ATXN10: variants seen among roughly 807,000 people sequenced by gnomAD.
ATXN10 encodes ataxin 10.
ATXN10 carries 28 observed loss-of-function variants against 52.9 expected under a neutral mutation model. The observed-to-expected ratio is 0.53, with a 90% CI of 0.39 to 0.73. ATXN10 has a LOEUF of 0.73. Among genes scored for constraint, ATXN10 ranks in the 30% least tolerant of loss-of-function variants. ATXN10 has a pLI of 0.00. For missense variants in ATXN10, 565 were observed against 577.0 expected (o/e 0.98, Z 0.21); for synonymous variants, 226 against 221.5 (o/e 1.02, Z -0.18).
At chr22:45,711,268 A>G (rs1924238340) in intron 5 of ATXN10, among the ~76,000 whole-genome samples, 1 of 152,098 alleles carries the variant, frequency 6.6e-6, no homozygotes, top group Non-Finnish European at 1.5e-5. Context: ...AAAGCCAATG[A>G]ATCCCCAAAG....
intron 1 of ATXN10, among the ~76,000 whole-genome samples, chr22:45,686,965 A>G (rs190221197): frequency 1.3e-4 from 20 of 152,294 alleles, no homozygotes; most frequent in African/African-American, 3.6e-4. Context: ...ATGGTTTACA[A>G]CCTGGGGAGA....
In ATXN10 at chr22:45,820,083, A is replaced by G. The variant is rs1264345984; in HGVS notation, c.1237+13061A>G. 1.3e-5 allele frequency among the ~76,000 whole-genome samples: 2 copies of G among 152,224 alleles called. No homozygotes were observed. Among genetic ancestry groups the G allele is most frequent in the African/African-American group, 2.4e-5 (1 of 41,452 alleles). ...GTTTTATTTTGAGATGATCATTTCT[A>G]TCAGGATCAGGAAGTGTTCTATTCT... On this transcript the variant is annotated intron_variant, in intron 10 of 11. Transcript: ENST00000252934. The surrounding 1 kb of genome is among the most constrained non-coding windows in gnomAD (Gnocchi z 4.9).
intron 9 of ATXN10, among the ~76,000 whole-genome samples, chr22:45,755,991 A>G (rs1007755895): frequency 1.3e-5 from 2 of 151,566 alleles, no homozygotes; most frequent in African/African-American, 4.8e-5. Context: ...GCACCACTAC[A>G]TAGCCACCCA....
At position 45,754,331 on chromosome 22, in the gene ATXN10, TGTAAA is replaced by T. The variant is rs1429836399; in HGVS notation, c.1173+13797_1173+13801del. Among the ~76,000 whole-genome samples, 7 of 152,252 alleles carry T rather than the reference TGTAAA, an allele frequency of 4.6e-5. No homozygotes were observed. Among genetic ancestry groups the T allele is most frequent in the African/African-American group, 2.4e-5 (1 of 41,476 alleles). On this transcript the variant is annotated intron_variant, in intron 9 of 11. Transcript: ENST00000252934. The surrounding 1 kb of genome is among the most constrained non-coding windows in gnomAD (Gnocchi z 5.4). ...ACTTGTGAGTCTCCCTTTCTTCATC[TGTAAA>T]GTAGAGATGATTTTACTTCCCTCAT...
rs1340743495 is a variant in ATXN10, at chr22:45,780,165, C to T, written c.1174-26794C>T. 6.6e-6 allele frequency among the ~76,000 whole-genome samples: 1 copy of T among 151,956 alleles called. No individual in the cohort carries two copies. The highest frequency in any genetic ancestry group is 2.4e-5 in the African/African-American group (1 of 41,372). ...GTGGCACGATCTTGGTTCACTGCAA[C>T]CTCCACCTCCCAGGTTCAAGCGATT... is the stretch of plus-strand genomic sequence containing the variant. On this transcript the variant is annotated intron_variant, in intron 9 of 11. Transcript: ENST00000252934. This position sits in a 1 kb window ranked among gnomAD's most constrained non-coding sequence, Gnocchi z 4.0.
intron 9 of ATXN10, among the ~76,000 whole-genome samples, chr22:45,748,946 A>C (rs1212164978): frequency 6.6e-6 from 1 of 152,184 alleles, no homozygotes; most frequent in Non-Finnish European, 1.5e-5. Flanking sequence ...AGGATGGTCT[A>C]CCATTTGACT....
chr22:45,718,233 CT>C lies in ATXN10; in HGVS notation c.648-176del, dbSNP rs2146773958. 6.6e-6 allele frequency among the ~76,000 whole-genome samples: 1 copy of C among 151,830 alleles called. No homozygotes were observed. The highest frequency in any genetic ancestry group is 2.4e-5 in the African/African-American group (1 of 41,408). On this transcript the variant is annotated intron_variant, in intron 5 of 11. Transcript: ENST00000252934. The surrounding 1 kb of genome is among the most constrained non-coding windows in gnomAD (Gnocchi z 4.4). ...AAAAATATTTTTAGGATTTTTTTTCCTTTTAGCTGCTGATAGATTAATAGTA... is the reference window on the plus strand; with the variant it reads ...AAAAATATTTTTAGGATTTTTTTTCCTTTAGCTGCTGATAGATTAATAGTA...
Position 45,740,228 on chromosome 22 carries a change from G to A in ATXN10, c.1004-141G>A, listed in dbSNP as rs74639701. On this transcript the variant is annotated intron_variant, in intron 8 of 11. Coordinates refer to ENST00000252934, the MANE Select transcript of ATXN10 (RefSeq NM_013236.4). ...TTTGAAGCAAAGGCAGAAGAGCCTT[G>A]TAATCATTATTTAAATAAAGCTTTC... 10,906 of 789,580 alleles carry A rather than the reference G, an allele frequency of 0.014. 583 individuals carry two copies. The African/African-American group carries it at 0.14, about 10-fold the overall frequency. The allele number at this position is 789,580 out of a possible 1,614,324, so 48.9% of individuals were successfully genotyped here. A position where few individuals can be genotyped will look rare whatever the true frequency, so the allele number is the denominator to read the frequency against.
chr22:45,796,934 T>C (rs1386627232), intron 9 of ATXN10, among the ~76,000 whole-genome samples: 1 of 152,232 alleles, frequency 6.6e-6, no homozygotes, highest in Non-Finnish European at 1.5e-5. Flanking sequence ...GGAGTGGCTA[T>C]ATTAATATTA....
chr22:45,679,217 T>C (rs1304353897), intron 1 of ATXN10: 1 of 152,224 alleles, frequency 6.6e-6, no homozygotes. Flanking sequence ...TACCTCTGTT[T>C]TCAGTACCAA....
intron 1 of ATXN10, chr22:45,679,096 C>T (rs563444281): frequency 6.6e-6 from 1 of 152,108 alleles, no homozygotes; most frequent in Admixed American, 6.5e-5. Context: ...TGCTTTTGCC[C>T]TGTATTCCCT....
intron 9 of ATXN10, chr22:45,792,646 G>A: frequency 4.0e-6 from 1 of 250,646 alleles, no homozygotes; most frequent in Non-Finnish European, 8.3e-6. Flanking sequence ...GTCACGGCAA[G>A]TTCCCTAAAG....
At position 45,783,534 on chromosome 22, in the gene ATXN10, G is replaced by A. The variant is rs1927221944; in HGVS notation, c.1174-23425G>A. On this transcript the variant is annotated intron_variant, in intron 9 of 11. Coordinates refer to ENST00000252934, the MANE Select transcript of ATXN10 (RefSeq NM_013236.4). The surrounding 1 kb of genome is among the most constrained non-coding windows in gnomAD (Gnocchi z 5.0). ...TGCCCCTGATTGGACCTGCCTGGCC[G>A]GCTCAGGTGTCCTCTTCTGTATTCC... Among the ~76,000 whole-genome samples, 1 of 152,286 alleles carries A rather than the reference G, an allele frequency of 6.6e-6. No homozygotes were observed. Among genetic ancestry groups the A allele is most frequent in the South Asian group, 2.1e-4 (1 of 4,828 alleles).
chr22:45,702,728 C>T lies in ATXN10; in HGVS notation c.528C>T (p.Tyr176=). The change falls in exon 5 of 12, where the codon TAC becomes TAT. Residue 176 remains tyrosine (Y), a synonymous_variant. Transcript: ENST00000252934. The part of the protein sequence containing the change: ...LNHPDKKIVA[Y]SSMILFTSLN... ...ATCCGGACAAAAAAATTGTTGCCTA[C>T]TCTTCAATGATTTTGTTTACATCCC... is the stretch of plus-strand genomic sequence containing the variant. 6.2e-7 allele frequency: 1 copy of T among 1,613,962 alleles called. No individual in the cohort carries two copies. Among genetic ancestry groups the T allele is most frequent in the Non-Finnish European group, 8.5e-7 (1 of 1,179,918 alleles).
At chr22:45,706,870 T>C (rs1162858784) in intron 5 of ATXN10, among the ~76,000 whole-genome samples, 1 of 152,210 alleles carries the variant, frequency 6.6e-6, no homozygotes, top group Non-Finnish European at 1.5e-5. Context: ...TCTGTAGATA[T>C]CTATTAGGTC....
rs992951068 is a variant in ATXN10 at position 45,828,928 on chromosome 22, C to A, written c.1238-14063C>A. 1.3e-5 allele frequency among the ~76,000 whole-genome samples: 2 copies of A among 152,114 alleles called. No homozygotes were observed. The highest frequency in any genetic ancestry group is 2.9e-5 in the Non-Finnish European group (2 of 68,008). On this transcript the variant is annotated intron_variant, in intron 10 of 11. Transcript: ENST00000252934. This position sits in a 1 kb window ranked among gnomAD's most constrained non-coding sequence, Gnocchi z 4.5. Reference sequence around the variant, plus strand: ...CTCATTTTATGAAGCCAGCATTTCCCTGGTACAAAAGCTAGACAGAGACAC... The same window carrying A: ...CTCATTTTATGAAGCCAGCATTTCCATGGTACAAAAGCTAGACAGAGACAC...
At chr22:45,778,046 A>G (rs867535007) in intron 9 of ATXN10, among the ~76,000 whole-genome samples, 1 of 152,202 alleles carries the variant, frequency 6.6e-6, no homozygotes, top group Non-Finnish European at 1.5e-5. Context: ...CTCACACTAC[A>G]ACAACACAGT....
At chr22:45,776,052 G>A (rs1389574404) in intron 9 of ATXN10, among the ~76,000 whole-genome samples, 1 of 152,144 alleles carries the variant, frequency 6.6e-6, no homozygotes, top group Non-Finnish European at 1.5e-5. Flanking sequence ...CACCACCCTT[G>A]AGCATGTCCT....
Position 45,795,399 on chromosome 22 carries a change from TA to T in ATXN10, c.1174-11559del, listed in dbSNP as rs1927686683. On this transcript the variant is annotated intron_variant, in intron 9 of 11. Transcript: ENST00000252934. The surrounding 1 kb of genome is among the most constrained non-coding windows in gnomAD (Gnocchi z 4.6). ...TATTCTATTCTATTCTATTCTATTC[TA>T]TTCTATTCTATTCTATTCTATTCTT... 3.3e-5 allele frequency among the ~76,000 whole-genome samples: 5 copies of T among 150,368 alleles called. No individual in the cohort carries two copies. The highest frequency in any genetic ancestry group is 5.9e-5 in the Non-Finnish European group (4 of 67,842).
Sources: gnomAD v4.1 joint callset for allele counts (sites outside exome capture counted in the v4.1 genomes callset) on GRCh38, gnomAD v4.1.1 for gene constraint, Gnocchi (gnomAD v3.1) non-coding constraint, MANE v1.5 for transcripts, NCBI Gene and HGNC (gene_info 2026-07-23, HGNC 2026-07-21) for gene names.